ZFHX3: variants seen among roughly 807,000 people sequenced by gnomAD.
ZFHX3 encodes zinc finger homeobox protein 3.
In ZFHX3, 42 loss-of-function variants were observed where a neutral mutation model predicts 279.1. The observed-to-expected ratio is 0.15, with a 90% CI of 0.12 to 0.19. The LOEUF (loss-of-function observed/expected upper bound fraction) is 0.19. Among genes scored for constraint, ZFHX3 ranks in the 10% least tolerant of loss-of-function variants. The pLI is 1.00. For synonymous variants in ZFHX3, 2,293 were observed against 1,957.8 expected (o/e 1.17, Z -4.52); for missense variants, 4,981 against 4,754.0 (o/e 1.05, Z -1.40).
chr16:73,435,738 C>G (rs779222427), intron 3 of ZFHX3, among the ~76,000 whole-genome samples: 16 of 152,226 alleles, frequency 1.1e-4, no homozygotes, highest in Non-Finnish European at 2.1e-4. Context: ...GAACCAAGGC[C>G]TCCACTCAAG....
rs1277142135 is a variant in ZFHX3, at chr16:73,311,959, C to G, written c.-1194+6281G>C. Among the ~76,000 whole-genome samples the G allele has an allele frequency of 2.6e-5, 4 of 152,200 alleles. No individual in the cohort carries two copies. In the East Asian group the frequency reaches 7.8e-4, roughly 30 times the overall value. ...CTGATGAGGTTGCTGAAAGAGTGAT[C>G]TAAACTTAGGACACCTTAACAAAAT... On this transcript the variant is annotated intron_variant, in intron 4 of 17. Coordinates refer to the ZFHX3 transcript ENST00000641206.
At chr16:73,564,754 C>A (rs1260992867) in intron 2 of ZFHX3, among the ~76,000 whole-genome samples, 3 of 152,198 alleles carry the variant, frequency 2.0e-5, no homozygotes, top group African/African-American at 7.2e-5. Context: ...GAGGTCTCTA[C>A]ACCTAGTGTT....
intron 2 of ZFHX3, among the ~76,000 whole-genome samples, chr16:73,569,279 A>G (rs1476547647): frequency 1.3e-5 from 2 of 152,146 alleles, no homozygotes; most frequent in Admixed American, 1.3e-4. Flanking sequence ...TGTGGATCCT[A>G]GAGTAGTGAA....
At chr16:72,861,830 C>A (rs1342388364) in intron 4 of ZFHX3, among the ~76,000 whole-genome samples, 7 of 152,100 alleles carry the variant, frequency 4.6e-5, no homozygotes, top group Admixed American at 1.3e-4. Context: ...GTCTGGCCAA[C>A]AAGGTGAAAT....
intron 1 of ZFHX3, among the ~76,000 whole-genome samples, chr16:73,726,451 T>C (rs112305003): frequency 2.4e-4 from 37 of 152,316 alleles, no homozygotes; most frequent in Non-Finnish European, 4.6e-4. Context: ...GATTGTCCTA[T>C]GCACTGGGGG....
chr16:73,808,089 G>T (rs918234814), intron 1 of ZFHX3, among the ~76,000 whole-genome samples: 10 of 152,084 alleles, frequency 6.6e-5, no homozygotes, highest in Admixed American at 5.9e-4. Context: ...TTCTATTAAG[G>T]GTGGGGCATG....
chr16:73,329,552 G>C (rs1269476186), intron 3 of ZFHX3, among the ~76,000 whole-genome samples: 1 of 152,242 alleles, frequency 6.6e-6, no homozygotes, highest in Non-Finnish European at 1.5e-5. Flanking sequence ...AGAGGAGGCA[G>C]TGATTCATCA....
At chr16:73,879,709 G>A (rs938300741) in intron 1 of ZFHX3, among the ~76,000 whole-genome samples, 5 of 152,146 alleles carry the variant, frequency 3.3e-5, no homozygotes, top group Admixed American at 6.5e-5. Context: ...AGGTATAAGT[G>A]TAAGTAAACA....
intron 2 of ZFHX3, among the ~76,000 whole-genome samples, chr16:73,557,423 A>C (rs1205458725): frequency 6.6e-6 from 1 of 152,148 alleles, no homozygotes; most frequent in Non-Finnish European, 1.5e-5. Context: ...GTGAAAGCAA[A>C]TTTATTAAGA....
chr16:73,528,332 G>T (rs915359176), intron 2 of ZFHX3, among the ~76,000 whole-genome samples: 2 of 152,170 alleles, frequency 1.3e-5, no homozygotes, highest in African/African-American at 4.8e-5. Context: ...ATCAATAGCA[G>T]TACTAGCCAA....
chr16:73,773,501 A>C (rs1404694896), intron 1 of ZFHX3, among the ~76,000 whole-genome samples: 1 of 152,242 alleles, frequency 6.6e-6, no homozygotes, highest in Non-Finnish European at 1.5e-5. Context: ...GCAGTGAATA[A>C]GGATCTGTCC....
At chr16:73,775,244 G>T (rs1040492022) in intron 1 of ZFHX3, among the ~76,000 whole-genome samples, 1 of 152,190 alleles carries the variant, frequency 6.6e-6, no homozygotes, top group African/African-American at 2.4e-5. Flanking sequence ...AAGAAGGTAT[G>T]ACTGAGAGGT....
At chr16:73,712,920 A>G (rs1212551641) in intron 1 of ZFHX3, among the ~76,000 whole-genome samples, 1 of 152,212 alleles carries the variant, frequency 6.6e-6, no homozygotes, top group Non-Finnish European at 1.5e-5. Context: ...GGTCCTATGT[A>G]CATTGCAGGG....
At chr16:73,036,583 A>AGGAGGAG (rs1964915129) in intron 1 of ZFHX3, among the ~76,000 whole-genome samples, 1 of 148,372 alleles carries the variant, frequency 6.7e-6, no homozygotes, top group African/African-American at 2.5e-5. Flanking sequence ...AGGCGCAGGG[A>AGGAGGAG]GGAGGAGGGA....
At position 73,713,471 on chromosome 16, in the gene ZFHX3, A is replaced by C. The variant is rs113936620; in HGVS notation, c.-1607-33231T>G. On this transcript the variant is annotated intron_variant, in intron 1 of 17. Coordinates refer to the ZFHX3 transcript ENST00000641206. ...TATTCTTGGCGAGTTTCCTAGCACAAACCCTGCAAATAGAAGCACCCAACT... is the reference window on the plus strand; with the variant it reads ...TATTCTTGGCGAGTTTCCTAGCACACACCCTGCAAATAGAAGCACCCAACT... Among the ~76,000 whole-genome samples the C allele has an allele frequency of 2.2e-3, 328 of 152,260 alleles. 7 individuals carry two copies. Among genetic ancestry groups the C allele is most frequent in the Middle Eastern group, 0.01 (3 of 294 alleles).
At chr16:73,227,351 A>C (rs1252317502) in intron 5 of ZFHX3, among the ~76,000 whole-genome samples, 1 of 152,222 alleles carries the variant, frequency 6.6e-6, no homozygotes, top group African/African-American at 2.4e-5. Context: ...TATAATACAG[A>C]ATAAAGACCA....
chr16:72,880,468 C>G (rs923886389), intron 4 of ZFHX3, among the ~76,000 whole-genome samples: 3 of 152,090 alleles, frequency 2.0e-5, no homozygotes, highest in Non-Finnish European at 4.4e-5. Flanking sequence ...CTCACAGAGA[C>G]CAGGCTATAT....
At chr16:73,808,854 C>A (rs975103269) in intron 1 of ZFHX3, among the ~76,000 whole-genome samples, 3 of 152,148 alleles carry the variant, frequency 2.0e-5, no homozygotes, top group Non-Finnish European at 4.4e-5. Flanking sequence ...GCATTCTGAG[C>A]AGCCTTAGGA....
intron 4 of ZFHX3, among the ~76,000 whole-genome samples, chr16:72,849,710 T>G (rs1046822368): frequency 2.0e-5 from 3 of 152,008 alleles, no homozygotes; most frequent in Non-Finnish European, 4.4e-5. Context: ...GCATATCAAT[T>G]AATGCAATCA....
Sources: allele counts gnomAD v4.1 joint callset (sites outside exome capture counted in the v4.1 genomes callset), GRCh38; gene constraint gnomAD v4.1.1; transcripts MANE v1.5; gene names NCBI Gene and HGNC (gene_info 2026-07-23, HGNC 2026-07-21).